The following ZNF112 variants were observed in gnomAD, a reference collection of about 807,000 sequenced individuals.
The protein encoded by ZNF112 is zinc finger protein 112.
ZNF112 carries 37 observed loss-of-function variants against 77.7 expected under a neutral mutation model. The ratio of observed to expected loss-of-function variants is 0.48; its 90% CI spans 0.37 to 0.63. ZNF112 has a LOEUF of 0.63. ZNF112 is among the 20% of genes least tolerant of loss of function. ZNF112 has a pLI of 0.00. For synonymous variants in ZNF112, 333 were observed against 363.6 expected, an observed-to-expected ratio of 0.92 and a Z score of 0.96; for missense variants, 950 against 1,077.4, an observed-to-expected ratio of 0.88 and a Z score of 1.66.
intron 3 of ZNF112, among the ~76,000 whole-genome samples, chr19:44,332,760 G>C (rs1442508825): frequency 6.6e-6 from 1 of 152,194 alleles, no homozygotes; most frequent in Non-Finnish European, 1.5e-5. Context: ...TCAAATATAT[G>C]AGATTAAAGT....
chr19:44,338,187 A>T (rs1048566579), intron 2 of ZNF112, among the ~76,000 whole-genome samples: 4 of 152,272 alleles, frequency 2.6e-5, no homozygotes, highest in East Asian at 1.9e-4. Context: ...CCTTTAAAAA[A>T]TTTCACAAAT....
chr19:44,328,012 A>G lies in ZNF112; in HGVS notation c.2145T>C (p.Tyr715=), dbSNP rs765483528. The change falls in exon 4 of 4, where the codon TAT becomes TAC. Residue 715 remains tyrosine (Y), a synonymous_variant. Coordinates refer to ENST00000354340, the MANE Select transcript of ZNF112 (RefSeq NM_013380.4). ...HQSVHSGERP[Y]ICEVCGKGFS... ...AGCCCTTTCCACATACCTCACATAT[A>G]TATGGTCTTTCTCCAGAATGGACAC... is the stretch of plus-strand genomic sequence containing the variant. The G allele has an allele frequency of 6.4e-5, 103 of 1,612,382 alleles. No individual in the cohort carries two copies. The highest frequency in any genetic ancestry group is 7.9e-5 in the Non-Finnish European group (93 of 1,179,634).
chr19:44,349,530 C>T (rs1458057864), intron 1 of ZNF112, among the ~76,000 whole-genome samples: 4 of 151,956 alleles, frequency 2.6e-5, no homozygotes, highest in Non-Finnish European at 5.9e-5. Context: ...AACACTGTCA[C>T]GCTAAGCACT....
rs1970729788 is a variant in ZNF112 at position 44,353,508 on chromosome 19, T to C, written c.-4+3118A>G. 2.0e-5 allele frequency among the ~76,000 whole-genome samples: 3 copies of C among 152,054 alleles called. No individual in the cohort carries two copies. In the South Asian group the frequency reaches 6.2e-4, roughly 31 times the overall value. ...AATCACACATCCAACAAAGGACTTA[T>C]ATCCAGAATATATAAATAGCTCTCA... is the stretch of plus-strand genomic sequence containing the variant. On this transcript the variant is annotated intron_variant, in intron 1 of 3. Transcript: ENST00000354340.
At chr19:44,350,878 CAA>C (rs1012974397) in intron 1 of ZNF112, among the ~76,000 whole-genome samples, 28 of 152,218 alleles carry the variant, frequency 1.8e-4, no homozygotes, top group African/African-American at 6.3e-4. Context: ...AGGTAAATAT[CAA>C]GAGTCTACAG....
At position 44,328,564 on chromosome 19, in the gene ZNF112, T is replaced by A; in HGVS notation, c.1593A>T (p.Arg531Ser). 1 of 1,604,580 alleles carries A rather than the reference T, an allele frequency of 6.2e-7. No homozygotes were observed. The highest frequency in any genetic ancestry group is 8.5e-7 in the Non-Finnish European group (1 of 1,173,784). The change falls in exon 4 of 4, where the codon AGA becomes AGT. Residue 531 changes from arginine to serine, a missense_variant. This residue lies in a region of ZNF112 where 373 missense variants were observed against 482.8 expected (regional missense o/e 0.77). Transcript: ENST00000354340. ...CNICGKGFNH[R>S]SVLNVHQRVH... ...CTCTCTGATGAACATTCAGAACTGA[T>A]CTATGATTGAAACCTTTGCCGCATA...
intron 3 of ZNF112, among the ~76,000 whole-genome samples, chr19:44,336,296 A>G (rs1970364762): frequency 6.6e-6 from 1 of 152,206 alleles, no homozygotes; most frequent in African/African-American, 2.4e-5. Flanking sequence ...AAGATCATGC[A>G]TCTATTACCC....
chr19:44,361,628 T>TA (rs1970855925), upstream of ZNF112, among the ~76,000 whole-genome samples: 1 of 152,152 alleles, frequency 6.6e-6, no homozygotes, highest in African/African-American at 2.4e-5. Flanking sequence ...CAGTGGTTGT[T>TA]AGAGGTTCAG....
At chr19:44,350,645 C>T (rs950886307) in intron 1 of ZNF112, among the ~76,000 whole-genome samples, 16 of 152,038 alleles carry the variant, frequency 1.1e-4, no homozygotes, top group Admixed American at 3.3e-4. Context: ...TTACAAATTT[C>T]CAGTGCTGTC....
Position 44,328,143 on chromosome 19 carries a change from A to G in ZNF112, c.2014T>C (p.Ser672Pro), listed in dbSNP as rs201277897. 1 of 1,614,030 alleles carries G rather than the reference A, an allele frequency of 6.2e-7. No homozygotes were observed. The highest frequency in any genetic ancestry group is 8.5e-7 in the Non-Finnish European group (1 of 1,179,974). The change falls in exon 4 of 4, where the codon TCA (serine) becomes CCA (proline). Residue 672 changes from serine to proline, a missense_variant. Ser to Pro is a moderately conservative substitution (Grantham distance 74). This residue lies in a region of ZNF112 where 373 missense variants were observed against 482.8 expected (regional missense o/e 0.77). Coordinates refer to ENST00000354340, the MANE Select transcript of ZNF112 (RefSeq NM_013380.4). The part of the protein sequence containing the change: ...EECGKGFSKA[S>P]TLLAHQRVHT... The stretch of plus-strand genomic sequence containing the variant: ...ACCCTCTGATGGGCCAAAAGTGTTG[A>G]GGCCTTACTGAAGCCTTTACCACAT...
rs138665436 is a variant in ZNF112, at chr19:44,362,098, T to C, written c.17+4983A>G. ...GAACATACTGATCAGGTGTATCTTA[T>C]AAGCTAATGAGAAAAAATGAGGATT... On this transcript the variant is annotated intron_variant, in intron 1 of 4. Coordinates refer to the ZNF112 transcript ENST00000588057. 2.8e-3 allele frequency among the ~76,000 whole-genome samples: 421 copies of C among 152,256 alleles called. 10 individuals are homozygous for C. The East Asian group carries it at 0.073, about 26-fold the overall frequency.
chr19:44,336,750 T>C (rs1286776753), intron 2 of ZNF112, 32 bp from the exon 3 acceptor site: 1 of 1,586,894 alleles, frequency 6.3e-7, no homozygotes, highest in African/African-American at 1.3e-5. Flanking sequence ...CAAAAGTTTT[T>C]AAGTTTGATG....
chr19:44,347,139 C>T (rs187220809), intron 1 of ZNF112, among the ~76,000 whole-genome samples: 2 of 152,130 alleles, frequency 1.3e-5, no homozygotes, highest in Admixed American at 6.5e-5. Flanking sequence ...TATGTCTACT[C>T]GGGGAACTGA....
chr19:44,361,973 A>G (rs989926487), intron 1 of ZNF112, among the ~76,000 whole-genome samples: 4 of 152,198 alleles, frequency 2.6e-5, no homozygotes, highest in African/African-American at 9.7e-5. Flanking sequence ...ATTTTAAAAA[A>G]TCAATGATAT....
intron 1 of ZNF112, among the ~76,000 whole-genome samples, chr19:44,347,214 G>C (rs1167368599): frequency 6.6e-6 from 1 of 152,120 alleles, no homozygotes; most frequent in African/African-American, 2.4e-5. Flanking sequence ...TATTAATATA[G>C]CCACTCCGTA....
intron 1 of ZNF112, among the ~76,000 whole-genome samples, chr19:44,365,428 C>G (rs1970894061): frequency 6.6e-6 from 1 of 151,926 alleles, no homozygotes; most frequent in East Asian, 1.9e-4. Flanking sequence ...CCTCTGCACT[C>G]CAGCCTGTGT....
chr19:44,334,537 A>G (rs1364746560), intron 3 of ZNF112, among the ~76,000 whole-genome samples: 1 of 152,252 alleles, frequency 6.6e-6, no homozygotes, highest in East Asian at 1.9e-4. Flanking sequence ...AGAGCCAGTC[A>G]TGACAGTCCC....
chr19:44,329,670 T>C lies in ZNF112; in HGVS notation c.487A>G (p.Ile163Val). The C allele has an allele frequency of 1.2e-6, 2 of 1,614,158 alleles. No homozygotes were observed. Among genetic ancestry groups the C allele is most frequent in the Non-Finnish European group, 1.7e-6 (2 of 1,180,016 alleles). The change falls in exon 4 of 4, where the codon ATA (isoleucine) becomes GTA (valine). Residue 163 changes from isoleucine (I) to valine (V), a missense_variant. Transcript: ENST00000354340. Reference protein sequence around the residue: ...FTHIGNGSNYIKSQGYPSWRA... With the variant: ...FTHIGNGSNYVKSQGYPSWRA... ...CAAGATGGATACCCTTGACTTTTTA[T>C]ATAATTGGAGCCATTCCCTATATGA...
chr19:44,358,335 A>C (rs1226822279), upstream of ZNF112, among the ~76,000 whole-genome samples: 1 of 152,198 alleles, frequency 6.6e-6, no homozygotes, highest in Non-Finnish European at 1.5e-5. Context: ...GGACAGAATA[A>C]TACTTTGTGT....
Sources: gnomAD v4.1 joint callset for allele counts (sites outside exome capture counted in the v4.1 genomes callset) on GRCh38, gnomAD v4.1.1 for gene constraint, gnomAD v4.1.1 regional missense constraint, MANE v1.5 for transcripts, NCBI Gene and HGNC (gene_info 2026-07-23, HGNC 2026-07-21) for gene names.